The following ZNF112 variants were observed in gnomAD, a reference collection of about 807,000 sequenced individuals.
ZNF112 encodes the protein zinc finger protein 112.
Under a neutral mutation model 77.7 loss-of-function variants are expected in ZNF112, and 37 were observed. The observed-to-expected ratio is 0.48, with a 90% CI of 0.37 to 0.63. The LOEUF (loss-of-function observed/expected upper bound fraction) is 0.63, where lower values mean the gene tolerates loss of function less well. Among genes scored for constraint, ZNF112 ranks in the 20% least tolerant of loss-of-function variants. The pLI is 0.00. For missense variants in ZNF112, 950 were observed against 1,077.4 expected (o/e 0.88, Z 1.66); for synonymous variants, 333 against 363.6 (o/e 0.92, Z 0.96).
intron 3 of ZNF112, 46 bp from the exon 4 acceptor site, chr19:44,329,982 T>C (rs759514487): frequency 2.8e-6 from 4 of 1,448,952 alleles, no homozygotes; most frequent in African/African-American, 1.4e-5. Flanking sequence ...GAATGCTTTA[T>C]TCAAGAGATT....
chr19:44,357,922 T>C (rs1970811344), upstream of ZNF112, among the ~76,000 whole-genome samples: 1 of 151,924 alleles, frequency 6.6e-6, no homozygotes, highest in Non-Finnish European at 1.5e-5. Flanking sequence ...GACCAATCTG[T>C]GAAAATGCTC....
rs148151031 is a variant in ZNF112, at chr19:44,349,124, G to A, written c.-4+7502C>T. Among the ~76,000 whole-genome samples the A allele has an allele frequency of 4.1e-3, 625 of 152,096 alleles. 3 individuals are homozygous for A. The highest frequency in any genetic ancestry group is 0.021 in the Middle Eastern group (6 of 292). Reference sequence around the variant, plus strand: ...CAGCCATGCTCATTTGTTTACGTACGGCCTATGGCTGCTTTTGCATTACAG... The same window carrying A: ...CAGCCATGCTCATTTGTTTACGTACAGCCTATGGCTGCTTTTGCATTACAG... On this transcript the variant is annotated intron_variant, in intron 1 of 3. Coordinates refer to ENST00000354340, the MANE Select transcript of ZNF112 (RefSeq NM_013380.4).
chr19:44,333,541 G>A (rs1970309096), intron 3 of ZNF112, among the ~76,000 whole-genome samples: 2 of 152,174 alleles, frequency 1.3e-5, no homozygotes, highest in Admixed American at 6.5e-5. Flanking sequence ...GATCATGGGG[G>A]TGCTTTCTAA....
At chr19:44,345,377 T>C (rs1970568891) in intron 1 of ZNF112, among the ~76,000 whole-genome samples, 1 of 152,192 alleles carries the variant, frequency 6.6e-6, no homozygotes, top group Admixed American at 6.5e-5. Flanking sequence ...CCCATTTCTC[T>C]CTTTTAAATG....
chr19:44,341,237 TC>T (rs1970484623), intron 1 of ZNF112: 2 of 455,312 alleles, frequency 4.4e-6, no homozygotes, highest in Non-Finnish European at 8.8e-6. Context: ...CTATCCCATT[TC>T]TGGGCTGCAA....
upstream of ZNF112, among the ~76,000 whole-genome samples, chr19:44,360,385 G>GA (rs139513698): frequency 0.68 from 102,022 of 151,078 alleles, 34,821 homozygotes; most frequent in South Asian, 0.77. Flanking sequence ...AGGTATCAGA[G>GA]AAAAAAAAAG....
upstream of ZNF112, among the ~76,000 whole-genome samples, chr19:44,359,247 C>A (rs1970829198): frequency 6.6e-6 from 1 of 150,772 alleles, no homozygotes; most frequent in African/African-American, 2.4e-5. Context: ...TTCCTCAGAC[C>A]TCAGGTGGTT....
At chr19:44,335,660 T>C (rs1283676521) in intron 3 of ZNF112, among the ~76,000 whole-genome samples, 1 of 152,148 alleles carries the variant, frequency 6.6e-6, no homozygotes, top group African/African-American at 2.4e-5. Flanking sequence ...AAAGAGCACA[T>C]GTGGCCAGGA....
At chr19:44,349,172 C>A (rs950951160) in intron 1 of ZNF112, among the ~76,000 whole-genome samples, 2 of 152,204 alleles carry the variant, frequency 1.3e-5, no homozygotes, top group East Asian at 1.9e-4. Flanking sequence ...GTAGTTATAA[C>A]AGAGTTCATA....
At chr19:44,331,730 A>C (rs112548333) in intron 3 of ZNF112, among the ~76,000 whole-genome samples, 10 of 152,226 alleles carry the variant, frequency 6.6e-5, no homozygotes, top group African/African-American at 2.4e-4. Context: ...TAGTTGCTCA[A>C]TAAACATTGA....
At chr19:44,358,599 C>T (rs1970822522), upstream of ZNF112, among the ~76,000 whole-genome samples, 1 of 152,106 alleles carries the variant, frequency 6.6e-6, no homozygotes, top group Non-Finnish European at 1.5e-5. Flanking sequence ...GCTGGGGGAA[C>T]AAAAGATTCT....
At chr19:44,347,859 T>G (rs1970624976) in intron 1 of ZNF112, among the ~76,000 whole-genome samples, 1 of 152,120 alleles carries the variant, frequency 6.6e-6, no homozygotes, top group African/African-American at 2.4e-5. Context: ...AAGTTCCTAG[T>G]TTCCATTTAA....
chr19:44,367,213 CTT>C (rs1970914423), exon 1 of ZNF112: 1 of 450,390 alleles, frequency 2.2e-6, no homozygotes, highest in Non-Finnish European at 4.5e-6. Context: ...GATGACCTCA[CTT>C]TCATGGAGCG....
Position 44,328,818 on chromosome 19 carries a change from T to C in ZNF112, c.1339A>G (p.Ser447Gly). 8 of 1,614,078 alleles carry C rather than the reference T, an allele frequency of 5.0e-6. No individual in the cohort carries two copies. The highest frequency in any genetic ancestry group is 6.8e-6 in the Non-Finnish European group (8 of 1,179,956). The change falls in exon 4 of 4, where the codon AGT (serine) becomes GGT (glycine). Residue 447 changes from serine to glycine, a missense_variant. By Grantham distance (56) the Ser-to-Gly change is moderately conservative. This residue lies in a region of ZNF112 where 560 missense variants were observed against 557.3 expected (regional missense o/e 1.00). Coordinates refer to ENST00000354340, the MANE Select transcript of ZNF112 (RefSeq NM_013380.4). ...AGGTCCTGAAAATGTGAGGCCAGAC[T>C]GAAGCCATTACCACACTCCTCAGAA... ...YNSEECGNGF[S>G]LASHFQDLQI...
rs79146804 is a variant in ZNF112 at position 44,333,458 on chromosome 19, T to C, written c.220+3165A>G. Among the ~76,000 whole-genome samples, 1,380 of 152,324 alleles carry C rather than the reference T, an allele frequency of 9.1e-3. 25 individuals carry two copies. The highest frequency in any genetic ancestry group is 0.031 in the African/African-American group (1,292 of 41,572). On this transcript the variant is annotated intron_variant, in intron 3 of 3. Transcript: ENST00000354340. ...CTTAACCACTGATATGGTTTCGCTC[T>C]GCGTCCCCACCCAAATCTCATGTTG...
At chr19:44,337,387 A>ATATATTATATATATTTT (rs1568665637) in intron 2 of ZNF112, among the ~76,000 whole-genome samples, 13 of 51,304 alleles carry the variant, frequency 2.5e-4, no homozygotes, top group African/African-American at 3.6e-4. Context: ...TATATATAAT[A>ATATATTATATATATTTT]ATATATATAA....
At chr19:44,355,882 G>A (rs1970777643) in intron 1 of ZNF112, among the ~76,000 whole-genome samples, 2 of 152,194 alleles carry the variant, frequency 1.3e-5, no homozygotes, top group South Asian at 4.2e-4. Context: ...GAAAAGAAAG[G>A]ATGATAAGTA....
At chr19:44,348,483 A>AT (rs1174789676) in intron 1 of ZNF112, among the ~76,000 whole-genome samples, 21 of 151,536 alleles carry the variant, frequency 1.4e-4, no homozygotes, top group African/African-American at 3.4e-4. Context: ...CCATCGAATA[A>AT]TTTTTTTTTA....
upstream of ZNF112, among the ~76,000 whole-genome samples, chr19:44,358,007 C>T (rs1330180290): frequency 1.3e-5 from 2 of 152,036 alleles, no homozygotes; most frequent in East Asian, 1.9e-4. Flanking sequence ...AAAAAATTAG[C>T]CGGGCGTGGT....
Sources: allele counts gnomAD v4.1 joint callset (sites outside exome capture counted in the v4.1 genomes callset), GRCh38; gene constraint gnomAD v4.1.1; regional missense constraint gnomAD v4.1.1; transcripts MANE v1.5; gene names NCBI Gene and HGNC (gene_info 2026-07-23, HGNC 2026-07-21).